Variants in ROBO1 observed in about 807,000 individuals in gnomAD.
ROBO1 encodes roundabout guidance receptor 1.
Under a neutral mutation model 195.9 loss-of-function variants are expected in ROBO1, and 149 were observed. The ratio of observed to expected loss-of-function variants is 0.76; its 90% CI spans 0.67 to 0.87. The LOEUF is 0.87. Ranked by LOEUF, ROBO1 falls within the 40% of genes least tolerant of loss-of-function variation. The pLI, the probability that ROBO1 is intolerant of heterozygous loss-of-function variation, is 0.00. For synonymous variants in ROBO1, 816 were observed against 733.2 expected, an observed-to-expected ratio of 1.11 and a Z score of -1.82; for missense variants, 1,933 against 2,068.3, an observed-to-expected ratio of 0.93 and a Z score of 1.27.
chr3:78,819,024 A>G (rs2030526990), intron 4 of ROBO1, among the ~76,000 whole-genome samples: 1 of 152,118 alleles, frequency 6.6e-6, no homozygotes, highest in African/African-American at 2.4e-5. Flanking sequence ...ATAGTGTACA[A>G]AGGGTTTGGT....
chr3:78,866,837 A>G (rs1037992435), intron 4 of ROBO1, among the ~76,000 whole-genome samples: 7 of 152,174 alleles, frequency 4.6e-5, no homozygotes, highest in Non-Finnish European at 1.0e-4. Context: ...ATGGGAGAGA[A>G]AAATAAATAT....
chr3:79,501,175 C>A (rs1177529443), intron 2 of ROBO1, among the ~76,000 whole-genome samples: 1 of 152,104 alleles, frequency 6.6e-6, no homozygotes, highest in Non-Finnish European at 1.5e-5. Context: ...TTGACTATGG[C>A]TGTATTATTT....
chr3:78,936,679 ATAGGT>A lies in ROBO1; in HGVS notation c.499+1917_499+1921del, dbSNP rs200865585. On this transcript the variant is annotated intron_variant, in intron 4 of 30. Coordinates refer to ENST00000464233, the MANE Select transcript of ROBO1 (RefSeq NM_002941.4). ...TGTAAGTATATGGGGGAGGGTGTGC[ATAGGT>A]TATGTGTAAATACTACGTCATATAT... Among the ~76,000 whole-genome samples the A allele has an allele frequency of 3.1e-3, 478 of 152,120 alleles. 6 individuals carry two copies. Among genetic ancestry groups the A allele is most frequent in the African/African-American group, 0.011 (446 of 41,520 alleles).
chr3:79,625,327 G>C (rs939593734), intron 1 of ROBO1, among the ~76,000 whole-genome samples: 1 of 144,706 alleles, frequency 6.9e-6, no homozygotes, highest in Non-Finnish European at 1.5e-5. Context: ...AAAGCTAGCA[G>C]AAGACAAGAA....
intron 21 of ROBO1, among the ~76,000 whole-genome samples, chr3:78,642,572 T>C (rs1397240956): frequency 1.3e-5 from 2 of 152,206 alleles, no homozygotes; most frequent in East Asian, 3.9e-4. Context: ...TAGCCAGACT[T>C]TCCCATCCCA....
chr3:79,260,576 T>G (rs2108939311), intron 2 of ROBO1, among the ~76,000 whole-genome samples: 1 of 152,286 alleles, frequency 6.6e-6, no homozygotes, highest in East Asian at 1.9e-4. Flanking sequence ...AGCTTAGACC[T>G]TACTTAAAGT....
At chr3:79,010,245 G>C (rs1193972696) in intron 3 of ROBO1, among the ~76,000 whole-genome samples, 1 of 152,088 alleles carries the variant, frequency 6.6e-6, no homozygotes, top group Admixed American at 6.5e-5. Context: ...ATAGTATAGT[G>C]TGTTTGTAGA....
At position 78,990,934 on chromosome 3, in the gene ROBO1, A is replaced by G. The variant is rs1455676827; in HGVS notation, c.173-52007T>C. ...AGCTCTTACACATACAGTTAAAATA[A>G]GTATAATTTAAATTGCCTTTGTAAT... On this transcript the variant is annotated intron_variant, in intron 3 of 30. Transcript: ENST00000464233. Among the ~76,000 whole-genome samples the G allele has an allele frequency of 4.6e-5, 7 of 152,228 alleles. No individual in the cohort carries two copies. The East Asian group carries it at 1.2e-3, about 25-fold the overall frequency.
chr3:78,752,347 A>G (rs1199812570), intron 4 of ROBO1, among the ~76,000 whole-genome samples: 3 of 152,186 alleles, frequency 2.0e-5, no homozygotes, highest in African/African-American at 7.2e-5. Flanking sequence ...TAACTCTTGT[A>G]TCTTCCTTGC....
chr3:79,166,631 T>G (rs1457513657), intron 2 of ROBO1, among the ~76,000 whole-genome samples: 2 of 150,780 alleles, frequency 1.3e-5, no homozygotes, highest in Admixed American at 1.3e-4. Context: ...AGTGGTGCAA[T>G]CTCGGCTCAC....
chr3:78,791,793 AAAGTGCT>A (rs1383476657), intron 4 of ROBO1, among the ~76,000 whole-genome samples: 7 of 152,186 alleles, frequency 4.6e-5, no homozygotes. Context: ...TGCATGCATA[AAAGTGCT>A]ACGTAGCAAT....
At chr3:79,764,551 C>T (rs973224140) in intron 1 of ROBO1, among the ~76,000 whole-genome samples, 2 of 152,166 alleles carry the variant, frequency 1.3e-5, no homozygotes, top group Non-Finnish European at 2.9e-5. Flanking sequence ...TACTTTACTG[C>T]CTTGCTTTTT....
At chr3:78,949,414 G>T (rs2040645482) in intron 3 of ROBO1, among the ~76,000 whole-genome samples, 1 of 147,864 alleles carries the variant, frequency 6.8e-6, no homozygotes, top group African/African-American at 2.5e-5. Flanking sequence ...ATGGGGAAAG[G>T]ATTCCCTATT....
intron 3 of ROBO1, among the ~76,000 whole-genome samples, chr3:79,020,346 G>A (rs527794720): frequency 6.6e-6 from 1 of 152,160 alleles, no homozygotes; most frequent in African/African-American, 2.4e-5. Flanking sequence ...AACCTGACAC[G>A]TCTGAAAGGC....
At chr3:79,570,063 T>C (rs2107743350) in intron 2 of ROBO1, among the ~76,000 whole-genome samples, 1 of 152,154 alleles carries the variant, frequency 6.6e-6, no homozygotes, top group East Asian at 1.9e-4. Context: ...ATCGCATGAC[T>C]GCACTCCAGC....
At chr3:79,716,423 A>G (rs893442159) in intron 1 of ROBO1, among the ~76,000 whole-genome samples, 3 of 151,978 alleles carry the variant, frequency 2.0e-5, no homozygotes, top group Non-Finnish European at 4.4e-5. Context: ...ATTAGTTTTC[A>G]GACTAGGTTT....
Position 79,546,956 on chromosome 3 carries a change from C to T in ROBO1, c.88+42868G>A, listed in dbSNP as rs961393451. 5.3e-5 allele frequency among the ~76,000 whole-genome samples: 8 copies of T among 151,756 alleles called. No individual in the cohort carries two copies. In the East Asian group the frequency reaches 1.2e-3, roughly 22 times the overall value. On this transcript the variant is annotated intron_variant, in intron 2 of 30. Coordinates refer to ENST00000464233, the MANE Select transcript of ROBO1 (RefSeq NM_002941.4). ...CAGCACCTTGGGAGGCCGAGGCGGG[C>T]GGATCACGAGGTCAGGAGATCAAGA...
At chr3:79,419,571 C>A (rs1264637504) in intron 2 of ROBO1, among the ~76,000 whole-genome samples, 1 of 152,018 alleles carries the variant, frequency 6.6e-6, no homozygotes, top group Non-Finnish European at 1.5e-5. Flanking sequence ...TGTGAAAAAG[C>A]CTTATTTTGA....
At chr3:79,690,013 A>T (rs553088996) in intron 1 of ROBO1, among the ~76,000 whole-genome samples, 1 of 152,124 alleles carries the variant, frequency 6.6e-6, no homozygotes, top group East Asian at 1.9e-4. Context: ...ATTGATTTAA[A>T]TAATTAATTT....
Sources: gnomAD v4.1 joint callset for allele counts (sites outside exome capture counted in the v4.1 genomes callset) on GRCh38, gnomAD v4.1.1 for gene constraint, MANE v1.5 for transcripts, NCBI Gene and HGNC (gene_info 2026-07-23, HGNC 2026-07-21) for gene names.